GRIA2: variants seen among roughly 807,000 people sequenced by gnomAD.
The protein encoded by GRIA2 is glutamate receptor 2.
A neutral mutation model predicts 97.3 loss-of-function variants in GRIA2; 14 were observed. That is an observed-to-expected ratio of 0.14 (90% CI 0.10 to 0.23). The LOEUF (loss-of-function observed/expected upper bound fraction) is 0.23. Ranked by LOEUF, GRIA2 falls within the 10% of genes least tolerant of loss-of-function variation. The pLI is 1.00. For synonymous variants in GRIA2, 412 were observed against 387.8 expected, an observed-to-expected ratio of 1.06 and a Z score of -0.73; for missense variants, 558 against 1,069.8, an observed-to-expected ratio of 0.52 and a Z score of 6.67.
At chr4:157,237,281 A>T (rs187041187) in intron 2 of GRIA2, among the ~76,000 whole-genome samples, 4 of 148,772 alleles carry the variant, frequency 2.7e-5, no homozygotes, top group Admixed American at 1.3e-4. Flanking sequence ...TTGATTTGAA[A>T]TGTATAAGTT....
chr4:157,272,786 A>G (rs1732093133), intron 2 of GRIA2, among the ~76,000 whole-genome samples: 1 of 152,114 alleles, frequency 6.6e-6, no homozygotes, highest in Admixed American at 6.6e-5. Flanking sequence ...AAGGGGAAAT[A>G]CTCAACACTG....
At chr4:157,259,334 T>C (rs1178773888) in intron 2 of GRIA2, among the ~76,000 whole-genome samples, 4 of 152,134 alleles carry the variant, frequency 2.6e-5, no homozygotes, top group South Asian at 2.1e-4. Flanking sequence ...CATACTGGGA[T>C]TGGGGAGACG....
intron 3 of GRIA2, among the ~76,000 whole-genome samples, chr4:157,304,719 A>G (rs1264816564): frequency 3.3e-5 from 5 of 152,156 alleles, no homozygotes; most frequent in Non-Finnish European, 5.9e-5. Flanking sequence ...GAATATTTGT[A>G]GGTTCAAATG....
At chr4:157,341,199 G>A (rs1325609957) in intron 11 of GRIA2, 65 bp from the exon 12 acceptor site, 1 of 1,057,570 alleles carries the variant, frequency 9.5e-7, no homozygotes, top group East Asian at 2.4e-5. Flanking sequence ...GCATAATACT[G>A]CTAACTTGTT....
chr4:157,261,747 T>G (rs1731546512), intron 2 of GRIA2, among the ~76,000 whole-genome samples: 1 of 152,158 alleles, frequency 6.6e-6, no homozygotes, highest in Admixed American at 6.6e-5. Context: ...TCTTTGGGTA[T>G]TTACATTGTT....
intron 2 of GRIA2, among the ~76,000 whole-genome samples, chr4:157,266,100 T>A (rs1731756139): frequency 6.6e-6 from 1 of 152,070 alleles, no homozygotes; most frequent in South Asian, 2.1e-4. Context: ...TAATTCTCAA[T>A]GGAAGAGAGG....
Position 157,240,705 on chromosome 4 carries a change from T to G in GRIA2, c.229+18898T>G, listed in dbSNP as rs113920331. On this transcript the variant is annotated intron_variant, in intron 2 of 15. Transcript: ENST00000264426. ...GAGCACCTCCTTAAGTTACTTTCTT[T>G]TTTTTTTTCTTTTATTTTTATACTT... Among the ~76,000 whole-genome samples, 126 of 152,066 alleles carry G rather than the reference T, an allele frequency of 8.3e-4. 1 individual carries two copies. Among genetic ancestry groups the G allele is most frequent in the African/African-American group, 3.0e-3 (124 of 41,436 alleles).
In GRIA2 at chr4:157,288,790, G is replaced by A. The variant is rs565447121; in HGVS notation, c.230-14762G>A. 6.6e-5 allele frequency among the ~76,000 whole-genome samples: 10 copies of A among 151,750 alleles called. No individual in the cohort carries two copies. The East Asian group carries it at 1.9e-3, about 29-fold the overall frequency. On this transcript the variant is annotated intron_variant, in intron 2 of 15. Transcript: ENST00000264426. ...ACATTTTGGTGTATTTCTATATTCAGTAGTTTTGCATAAGGTCTTATGTTT... is the reference window on the plus strand; with the variant it reads ...ACATTTTGGTGTATTTCTATATTCAATAGTTTTGCATAAGGTCTTATGTTT...
chr4:157,336,322 A>T (rs925009835), intron 10 of GRIA2, 55 bp from the exon 11 acceptor site: 1 of 1,391,802 alleles, frequency 7.2e-7, no homozygotes, highest in Non-Finnish European at 9.8e-7. Context: ...CATAACCACG[A>T]TTCCTTTTTC....
rs568499200 is a variant in GRIA2 at position 157,267,153 on chromosome 4, C to T, written c.230-36399C>T. Reference sequence around the variant, plus strand: ...TTAAAAAAAAATGTTGGGCTGGGCACGGTGGCTCATGCCAGTAATCCCAGC... The same window carrying T: ...TTAAAAAAAAATGTTGGGCTGGGCATGGTGGCTCATGCCAGTAATCCCAGC... On this transcript the variant is annotated intron_variant, in intron 2 of 15. Coordinates refer to ENST00000264426, the MANE Select transcript of GRIA2 (RefSeq NM_001083619.3). Among the ~76,000 whole-genome samples, 4 of 151,892 alleles carry T rather than the reference C, an allele frequency of 2.6e-5. No individual in the cohort carries two copies. The East Asian group carries it at 5.8e-4, about 22-fold the overall frequency.
intron 2 of GRIA2, among the ~76,000 whole-genome samples, chr4:157,256,218 TAATATATAATATATAATATA>T (rs1409722609): frequency 0.032 from 3,800 of 117,998 alleles, 143 homozygotes; most frequent in Non-Finnish European, 0.039. Context: ...ATGTTATATA[TAATATATAATATATAATATA>T]TATATATAAT....
At chr4:157,268,495 A>G (rs1731870255) in intron 2 of GRIA2, among the ~76,000 whole-genome samples, 1 of 152,054 alleles carries the variant, frequency 6.6e-6, no homozygotes, top group African/African-American at 2.4e-5. Context: ...AAATATGTGT[A>G]TTAACATACA....
At position 157,363,549 on chromosome 4, in the gene GRIA2, T is replaced by G. The variant is rs1163934018; in HGVS notation, c.*118T>G. ...TCCCAAAGCAGTGCATGCTGTCCCT[T>G]ACGTGAGTCCTGGCATGGGAATGAA... On this transcript the variant is annotated 3_prime_UTR_variant, in exon 16 of 16. Transcript: ENST00000264426. 2 of 1,235,750 alleles carry G rather than the reference T, an allele frequency of 1.6e-6. No individual in the cohort carries two copies. Among genetic ancestry groups the G allele is most frequent in the Non-Finnish European group, 2.0e-6 (2 of 988,986 alleles). The allele number at this position is 1,235,750 out of a possible 1,614,324, so 76.5% of individuals were successfully genotyped here. A position where few individuals can be genotyped will look rare whatever the true frequency, so the allele number is the denominator to read the frequency against.
intron 2 of GRIA2, among the ~76,000 whole-genome samples, chr4:157,240,750 G>A (rs918995500): frequency 6.7e-6 from 1 of 149,172 alleles, no homozygotes; most frequent in African/African-American, 2.5e-5. Flanking sequence ...GGGTACATGT[G>A]CACATTGTGC....
At chr4:157,221,302 G>T in intron 1 of GRIA2, 172 bp downstream of exon 1, 1 of 596,162 alleles carries the variant, frequency 1.7e-6, no homozygotes, top group Non-Finnish European at 3.0e-6. Context: ...AAAAGGAAAA[G>T]ACTATGCCTT....
intron 2 of GRIA2, among the ~76,000 whole-genome samples, chr4:157,246,218 T>A (rs1730725253): frequency 2.0e-5 from 3 of 152,138 alleles, no homozygotes; most frequent in Non-Finnish European, 4.4e-5. Flanking sequence ...TTAGGAATTC[T>A]AACTCTGCTA....
At chr4:157,359,193 A>G (rs1228866346) in intron 12 of GRIA2, among the ~76,000 whole-genome samples, 1 of 152,186 alleles carries the variant, frequency 6.6e-6, no homozygotes, top group African/African-American at 2.4e-5. Flanking sequence ...TATTCCTTTA[A>G]TAATACAGTT....
intron 6 of GRIA2, among the ~76,000 whole-genome samples, chr4:157,326,955 G>A (rs753280318): frequency 9.9e-5 from 15 of 152,108 alleles, no homozygotes; most frequent in Non-Finnish European, 1.9e-4. Flanking sequence ...GCTTTTGGAA[G>A]ATATCACAGT....
At chr4:157,295,275 TCTA>T (rs1208008888) in intron 2 of GRIA2, among the ~76,000 whole-genome samples, 1 of 152,072 alleles carries the variant, frequency 6.6e-6, no homozygotes, top group Non-Finnish European at 1.5e-5. Flanking sequence ...CTCATTGTCT[TCTA>T]CTGCTGAGTG....
Sources: gnomAD v4.1 joint callset for allele counts (sites outside exome capture counted in the v4.1 genomes callset) on GRCh38, gnomAD v4.1.1 for gene constraint, MANE v1.5 for transcripts, NCBI Gene and HGNC (gene_info 2026-07-23, HGNC 2026-07-21) for gene names.